The following MPP2 variants were observed in gnomAD, a reference collection of about 807,000 sequenced individuals.
MPP2 encodes the protein MAGUK p55 subfamily member 2.
MPP2 carries 42 observed loss-of-function variants against 58.5 expected under a neutral mutation model. The ratio of observed to expected loss-of-function variants is 0.72; its 90% CI spans 0.56 to 0.93. MPP2 has a LOEUF of 0.93. Ranked by LOEUF, MPP2 falls within the 40% of genes least tolerant of loss-of-function variation. The pLI, the probability that MPP2 is intolerant of heterozygous loss-of-function variation, is 0.00. For missense variants in MPP2, 632 were observed against 760.4 expected (o/e 0.83, Z 1.99); for synonymous variants, 300 against 307.8 (o/e 0.97, Z 0.26).
intron 7 of MPP2, 29 bp downstream of exon 7, chr17:43,881,429 G>A: frequency 6.2e-7 from 1 of 1,614,004 alleles, no homozygotes; most frequent in South Asian, 1.1e-5. Context: ...CACCATACCT[G>A]GAGAGATGCG....
intron 3 of MPP2, among the ~76,000 whole-genome samples, chr17:43,892,088 G>A (rs1002076309): frequency 9.2e-5 from 14 of 152,210 alleles, no homozygotes; most frequent in East Asian, 5.8e-4. Flanking sequence ...GCAGCCAACC[G>A]CCTGGACTTC....
In MPP2 at chr17:43,875,599, C is replaced by T. The variant is rs2046785448; in HGVS notation, c.*2208G>A. On this transcript the variant is annotated 3_prime_UTR_variant, in exon 13 of 13. Coordinates refer to ENST00000269095, the MANE Select transcript of MPP2 (RefSeq NM_005374.5). ...GGCACACACCTGTTCCAACCCAGCC[C>T]CAGCCCTGTTCCAGGTGAGCCAAGG... 6.6e-6 allele frequency: 1 copy of T among 152,250 alleles called. No homozygotes were observed. Among genetic ancestry groups the T allele is most frequent in the Admixed American group, 6.5e-5 (1 of 15,276 alleles). 9.4% of individuals were successfully genotyped at this position (152,250 alleles called of 1,614,324 possible). A position where few individuals can be genotyped will look rare whatever the true frequency, so the allele number is the denominator to read the frequency against.
rs2046984096 is a variant in MPP2 at position 43,879,190 on chromosome 17, A to C, written c.1482+85T>G. On this transcript the variant is annotated intron_variant, in intron 12 of 12. Transcript: ENST00000269095. This position sits in a 1 kb window ranked among gnomAD's most constrained non-coding sequence, Gnocchi z 4.1. The stretch of plus-strand genomic sequence containing the variant: ...CAGGCCCCTGTCCCTCCCCAACACC[A>C]CCTCCTTCTCTCTGTCAGCTCAGGC... 6.7e-7 allele frequency: 1 copy of C among 1,499,792 alleles called. No homozygotes were observed. The highest frequency in any genetic ancestry group is 9.0e-7 in the Non-Finnish European group (1 of 1,106,788). 92.9% of individuals were successfully genotyped at this position (1,499,792 alleles called of 1,614,324 possible).
chr17:43,894,453 ACACACACAC>A (rs2047748400), intron 3 of MPP2, among the ~76,000 whole-genome samples: 5 of 43,902 alleles, frequency 1.1e-4, no homozygotes, highest in African/African-American at 5.2e-4. Flanking sequence ...ATACACACAC[ACACACACAC>A]AAAAATTAGC....
intron 3 of MPP2, among the ~76,000 whole-genome samples, chr17:43,885,454 GA>G (rs2047326847): frequency 6.6e-6 from 1 of 152,050 alleles, no homozygotes; most frequent in Non-Finnish European, 1.5e-5. Flanking sequence ...ATAGTATTTA[GA>G]AACCAAGATG....
In MPP2 at chr17:43,879,338, G is replaced by A. The variant is rs368007174; in HGVS notation, c.1419C>T (p.Phe473=). ...PYVVFIEAPD[F]ETLRAMNRAA... ...CCCTGTTCATGGCCCGCAGGGTCTC[G>A]AAGTCTGGGGCCTCGATGAACACCA... is the stretch of plus-strand genomic sequence containing the variant. Residue 473 remains phenylalanine, a synonymous_variant, in exon 12 of 13, where the codon TTC becomes TTT. Transcript: ENST00000269095. The surrounding 1 kb of genome is among the most constrained non-coding windows in gnomAD (Gnocchi z 4.1). 3.2e-5 allele frequency: 51 copies of A among 1,614,026 alleles called. No individual in the cohort carries two copies. The highest frequency in any genetic ancestry group is 4.2e-5 in the Non-Finnish European group (49 of 1,180,020).
chr17:43,907,651 G>A, upstream of MPP2: 1 of 985,692 alleles, frequency 1.0e-6, no homozygotes, highest in Non-Finnish European at 1.2e-6. Context: ...CTCGGAGGAA[G>A]TAGTCTTTCC....
intron 3 of MPP2, among the ~76,000 whole-genome samples, chr17:43,890,129 A>G (rs1355732842): frequency 1.3e-5 from 2 of 152,076 alleles, no homozygotes; most frequent in Admixed American, 1.3e-4. Context: ...CTATGACATA[A>G]AAAAAGGGGG....
chr17:43,898,506 T>TTCCCCTCCCCAGCAACAG, intron 2 of MPP2, 126 bp from the exon 3 acceptor site: 96 of 613,160 alleles, frequency 1.6e-4, no homozygotes, highest in East Asian at 3.5e-4. Flanking sequence ...CCCGGCAACA[T>TTCCCCTCCCCAGCAACAG]TCCCCTCCCT....
At chr17:43,890,889 C>T (rs1269486762) in intron 3 of MPP2, among the ~76,000 whole-genome samples, 2 of 152,196 alleles carry the variant, frequency 1.3e-5, no homozygotes, top group African/African-American at 4.8e-5. Context: ...GAGGCCATCC[C>T]GGACCACCCA....
chr17:43,880,806 C>T lies in MPP2; in HGVS notation c.1035G>A (p.Met345Ile). The change falls in exon 10 of 13, where the codon ATG (methionine) becomes ATA (isoleucine). Residue 345 changes from methionine (M) to isoleucine (I), a missense_variant. Physicochemically the swap from Met to Ile is conservative, Grantham distance 10. Transcript: ENST00000269095. This position sits in a 1 kb window ranked among gnomAD's most constrained non-coding sequence, Gnocchi z 5.2. ...CCAGGGTTTTCCGGCGGAACGGGGG[C>T]ATGCGGGCCACCTCCTCATAAATGA... ...ELLIYEEVAR[M>I]PPFRRKTLVL... The T allele has an allele frequency of 6.2e-7, 1 of 1,612,988 alleles. No homozygotes were observed. The highest frequency in any genetic ancestry group is 8.5e-7 in the Non-Finnish European group (1 of 1,179,302).
Position 43,877,088 on chromosome 17 carries a change from G to C in MPP2, c.*719C>G, listed in dbSNP as rs941246727. On this transcript the variant is annotated 3_prime_UTR_variant, in exon 13 of 13. Transcript: ENST00000269095. Reference sequence around the variant, plus strand: ...GCCTGGCCCTGTGGGGAGCAGGGCTGACCTGTCAGGACACATTGGAGAAAT... The same window carrying C: ...GCCTGGCCCTGTGGGGAGCAGGGCTCACCTGTCAGGACACATTGGAGAAAT... 6.5e-6 allele frequency: 1 copy of C among 152,900 alleles called. No individual in the cohort carries two copies. The highest frequency in any genetic ancestry group is 1.5e-5 in the Non-Finnish European group (1 of 68,200). The allele number at this position is 152,900 out of a possible 1,614,324, so 9.5% of individuals were successfully genotyped here. A position where few individuals can be genotyped will look rare whatever the true frequency, so the allele number is the denominator to read the frequency against.
At position 43,877,826 on chromosome 17, in the gene MPP2, G is replaced by C. The variant is rs2046910339; in HGVS notation, c.1640C>G (p.Pro547Arg). The C allele has an allele frequency of 3.1e-6, 5 of 1,613,892 alleles. No individual in the cohort carries two copies. ...EKLRTEPQWV[P>R]VSWVY The stretch of plus-strand genomic sequence containing the variant: ...ACAGGCTCAGTACACCCAGCTGACA[G>C]GCACCCACTGGGGCTCTGTCCGTAG... Residue 547 changes from proline to arginine, a missense_variant, in exon 13 of 13, where the codon CCT (proline) becomes CGT (arginine). By Grantham distance (103) the Pro-to-Arg change is moderately radical (BLOSUM62 -2). Coordinates refer to ENST00000269095, the MANE Select transcript of MPP2 (RefSeq NM_005374.5).
At chr17:43,892,852 G>A (rs1391348989) in intron 3 of MPP2, among the ~76,000 whole-genome samples, 1 of 152,222 alleles carries the variant, frequency 6.6e-6, no homozygotes, top group Non-Finnish European at 1.5e-5. Flanking sequence ...GAGGTCCCAG[G>A]ACTGGGGCAT....
At chr17:43,898,619 C>T (rs2047955444) in intron 2 of MPP2, among the ~76,000 whole-genome samples, 1 of 152,192 alleles carries the variant, frequency 6.6e-6, no homozygotes, top group Non-Finnish European at 1.5e-5. Context: ...TAATGCCAGC[C>T]TGAGCAGGTG....
intron 6 of MPP2, 132 bp from the exon 7 acceptor site, chr17:43,881,721 C>T: frequency 8.6e-7 from 1 of 1,167,066 alleles, no homozygotes. Flanking sequence ...AGTGATGCCT[C>T]CAGGCCTGCC....
In MPP2 at chr17:43,879,231, C is replaced by A; in HGVS notation, c.1482+44G>T. 1 of 1,585,330 alleles carries A rather than the reference C, an allele frequency of 6.3e-7. No individual in the cohort carries two copies. The highest frequency in any genetic ancestry group is 8.6e-7 in the Non-Finnish European group (1 of 1,160,712). ...CAGCTCAGGCCTGTCCCCCACCACC[C>A]TAGGCAGCTATCAGACCCCTCCCCC... On this transcript the variant is annotated intron_variant, in intron 12 of 12. Transcript: ENST00000269095. This position sits in a 1 kb window ranked among gnomAD's most constrained non-coding sequence, Gnocchi z 4.1.
At chr17:43,887,147 G>A (rs2047403677) in intron 3 of MPP2, among the ~76,000 whole-genome samples, 1 of 152,006 alleles carries the variant, frequency 6.6e-6, no homozygotes, top group African/African-American at 2.4e-5. Context: ...GAGCCCAGGA[G>A]CTCAAGACCA....
chr17:43,909,258 G>T (rs1189798084), upstream of MPP2, among the ~76,000 whole-genome samples: 2 of 152,014 alleles, frequency 1.3e-5, no homozygotes, highest in African/African-American at 2.4e-5. Context: ...TAGAGACAGG[G>T]TTTCTCCATG....
Sources: gnomAD v4.1 joint callset for allele counts (sites outside exome capture counted in the v4.1 genomes callset) on GRCh38, gnomAD v4.1.1 for gene constraint, Gnocchi (gnomAD v3.1) non-coding constraint, MANE v1.5 for transcripts, NCBI Gene and HGNC (gene_info 2026-07-23, HGNC 2026-07-21) for gene names.